AMPH: variants seen among roughly 807,000 people sequenced by gnomAD.
AMPH encodes the protein amphiphysin (Stiff-Mann syndrome with breast cancer 128kD autoantigen).
AMPH carries 49 observed loss-of-function variants against 99.1 expected under a neutral mutation model. That is an observed-to-expected ratio of 0.49 (90% confidence interval 0.39 to 0.63). The LOEUF is 0.63. Among genes scored for constraint, AMPH ranks in the 20% least tolerant of loss-of-function variants. The probability of loss-of-function intolerance (pLI) is 0.00; values close to 1 mark genes in which losing one functional copy is unlikely to be tolerated. For missense variants in AMPH, 759 were observed against 863.4 expected (o/e 0.88, Z 1.52); for synonymous variants, 314 against 317.3 (o/e 0.99, Z 0.11).
At chr7:38,548,212 G>T (rs1476663791) in intron 1 of AMPH, among the ~76,000 whole-genome samples, 1 of 151,866 alleles carries the variant, frequency 6.6e-6, no homozygotes, top group Non-Finnish European at 1.5e-5. Flanking sequence ...TGTATTTTTA[G>T]TAGAGATGGG....
At chr7:38,421,016 C>T (rs1785562310) in intron 16 of AMPH, 1 of 456,622 alleles carries the variant, frequency 2.2e-6, no homozygotes, top group East Asian at 7.0e-5. Context: ...ACTGTGATTT[C>T]CTAGATCAGA....
chr7:38,443,392 T>C (rs540309413), intron 11 of AMPH, among the ~76,000 whole-genome samples: 2 of 152,078 alleles, frequency 1.3e-5, no homozygotes, highest in East Asian at 3.9e-4. Flanking sequence ...AAAACCCTTT[T>C]CTTAAAAAAA....
At chr7:38,610,128 C>A (rs1473025370) in intron 1 of AMPH, among the ~76,000 whole-genome samples, 5 of 148,680 alleles carry the variant, frequency 3.4e-5, no homozygotes, top group African/African-American at 1.2e-4. Flanking sequence ...CCCAGCTACT[C>A]GGGAGGCTGA....
chr7:38,527,626 T>C (rs2129037459), intron 2 of AMPH, among the ~76,000 whole-genome samples: 1 of 152,338 alleles, frequency 6.6e-6, no homozygotes, highest in African/African-American at 2.4e-5. Flanking sequence ...ATTTATCTGT[T>C]AGAGTAGTAT....
At chr7:38,417,311 T>A (rs866599970) in intron 17 of AMPH, among the ~76,000 whole-genome samples, 8 of 152,006 alleles carry the variant, frequency 5.3e-5, no homozygotes, top group African/African-American at 7.2e-5. Flanking sequence ...CGTATTATTA[T>A]GAGTCATCAG....
intron 11 of AMPH, among the ~76,000 whole-genome samples, chr7:38,450,654 T>C (rs962292502): frequency 2.6e-5 from 4 of 152,018 alleles, no homozygotes; most frequent in Admixed American, 2.6e-4. Flanking sequence ...TCCAGGAGGG[T>C]GAGTGGTAAG....
At chr7:38,629,320 T>A (rs1424840308) in intron 1 of AMPH, among the ~76,000 whole-genome samples, 1 of 152,158 alleles carries the variant, frequency 6.6e-6, no homozygotes, top group Non-Finnish European at 1.5e-5. Flanking sequence ...TCTCAGCCTC[T>A]TAGTGTTTGA....
Position 38,392,021 on chromosome 7 carries a change from G to A in AMPH, c.1609-4C>T, listed in dbSNP as rs1562722225. 3 of 1,603,276 alleles carry A rather than the reference G, an allele frequency of 1.9e-6. No individual in the cohort carries two copies. The highest frequency in any genetic ancestry group is 2.5e-6 in the Non-Finnish European group (3 of 1,179,772). On this transcript the variant is annotated splice_polypyrimidine_tract_variant and splice_region_variant and intron_variant, in intron 18 of 20. Coordinates refer to ENST00000356264, the MANE Select transcript of AMPH (RefSeq NM_001635.4). ...CCACCGAAGGAATGACCTTCTCCTG[G>A]GGGAAGAAAAACCGTGGCGATGCCC... is the stretch of plus-strand genomic sequence containing the variant.
intron 1 of AMPH, among the ~76,000 whole-genome samples, chr7:38,605,639 G>A (rs749549373): frequency 1.2e-4 from 18 of 152,112 alleles, no homozygotes; most frequent in Non-Finnish European, 2.4e-4. Context: ...GCAATGGCAC[G>A]ATCTCGGCTC....
chr7:38,479,987 G>A (rs1396382679), intron 5 of AMPH, among the ~76,000 whole-genome samples: 1 of 151,782 alleles, frequency 6.6e-6, no homozygotes, highest in Non-Finnish European at 1.5e-5. Context: ...GTCCAGTTAT[G>A]CCCAGCTATT....
At position 38,436,466 on chromosome 7, in the gene AMPH, A is replaced by T; in HGVS notation, c.1018-78T>A. 6.8e-6 allele frequency: 7 copies of T among 1,030,144 alleles called. No homozygotes were observed. The South Asian group carries it at 9.3e-5, about 14-fold the overall frequency. 63.8% of individuals were successfully genotyped at this position (1,030,144 alleles called of 1,614,324 possible). On this transcript the variant is annotated intron_variant, in intron 11 of 20. Coordinates refer to ENST00000356264, the MANE Select transcript of AMPH (RefSeq NM_001635.4). Reference sequence around the variant, plus strand: ...TAAGACCATGATATAGCCCATGTATACTCTCTCTAATATTATTATTGAGTA... The same window carrying T: ...TAAGACCATGATATAGCCCATGTATTCTCTCTCTAATATTATTATTGAGTA...
chr7:38,477,689 TAACAACAAC>T lies in AMPH; in HGVS notation c.397-729_397-721del, dbSNP rs367715923. Among the ~76,000 whole-genome samples the T allele has an allele frequency of 5.9e-5, 9 of 151,892 alleles. No homozygotes were observed. The South Asian group carries it at 8.3e-4, about 14-fold the overall frequency. ...CTCATTTCTATGGAACATTTCCTCT[TAACAACAAC>T]AACAACAACAACCACAAAAACAAAA... On this transcript the variant is annotated intron_variant, in intron 5 of 20. Coordinates refer to ENST00000356264, the MANE Select transcript of AMPH (RefSeq NM_001635.4).
intron 17 of AMPH, among the ~76,000 whole-genome samples, chr7:38,413,840 G>A (rs1785287151): frequency 6.6e-6 from 1 of 152,156 alleles, no homozygotes; most frequent in East Asian, 1.9e-4. Context: ...GTCTTCTTCT[G>A]ACATACTGAG....
intron 1 of AMPH, among the ~76,000 whole-genome samples, chr7:38,630,272 A>G (rs775915350): frequency 3.3e-5 from 5 of 152,196 alleles, no homozygotes; most frequent in Non-Finnish European, 7.4e-5. Context: ...CTCAAGCTAC[A>G]ATATAAAGGA....
At chr7:38,458,772 G>A (rs542515046) in intron 11 of AMPH, among the ~76,000 whole-genome samples, 1 of 152,232 alleles carries the variant, frequency 6.6e-6, no homozygotes, top group Non-Finnish European at 1.5e-5. Context: ...TGGGAGAAAA[G>A]CTGAAAGCCT....
At chr7:38,495,208 A>G (rs571530857) in intron 3 of AMPH, among the ~76,000 whole-genome samples, 1 of 152,322 alleles carries the variant, frequency 6.6e-6, no homozygotes, top group African/African-American at 2.4e-5. Context: ...AATTCATATA[A>G]ATAAGAGTTA....
intron 1 of AMPH, among the ~76,000 whole-genome samples, chr7:38,578,784 CAAATT>C (rs751936004): frequency 3.3e-5 from 5 of 152,096 alleles, no homozygotes; most frequent in Admixed American, 6.6e-5. Flanking sequence ...ATACAAAAAA[CAAATT>C]AAAGAAACCC....
chr7:38,548,910 C>G (rs1791086341), intron 1 of AMPH, among the ~76,000 whole-genome samples: 1 of 152,188 alleles, frequency 6.6e-6, no homozygotes, highest in African/African-American at 2.4e-5. Context: ...ATGTTGTCTG[C>G]TTTTTCACTG....
chr7:38,600,734 C>A lies in AMPH; in HGVS notation c.69+30549G>T, dbSNP rs369560521. ...TCCTACCTGGTTACAGAGGTTAATTCTTTCAGTGCCCTTTTAAATTCAGTT... is the reference window on the plus strand; with the variant it reads ...TCCTACCTGGTTACAGAGGTTAATTATTTCAGTGCCCTTTTAAATTCAGTT... On this transcript the variant is annotated intron_variant, in intron 1 of 20. Coordinates refer to ENST00000356264, the MANE Select transcript of AMPH (RefSeq NM_001635.4). 1.7e-3 allele frequency among the ~76,000 whole-genome samples: 262 copies of A among 152,326 alleles called. 1 individual carries two copies. Among genetic ancestry groups the A allele is most frequent in the African/African-American group, 6.2e-3 (257 of 41,570 alleles).
Sources: allele counts gnomAD v4.1 joint callset (sites outside exome capture counted in the v4.1 genomes callset), GRCh38; gene constraint gnomAD v4.1.1; transcripts MANE v1.5; gene names NCBI Gene and HGNC (gene_info 2026-07-23, HGNC 2026-07-21).